Variants in RYR1 observed in about 807,000 individuals in gnomAD.
RYR1 encodes the protein central core disease of muscle.
Under a neutral mutation model 583.5 loss-of-function variants are expected in RYR1, and 342 were observed. The observed-to-expected ratio is 0.59, with a 90% confidence interval of 0.54 to 0.64. RYR1 has a LOEUF of 0.64. Among genes scored for constraint, RYR1 ranks in the 30% least tolerant of loss-of-function variants. RYR1 has a pLI of 0.00. For synonymous variants in RYR1, 2,791 were observed against 2,822.5 expected, an observed-to-expected ratio of 0.99 and a Z score of 0.35; for missense variants, 6,032 against 6,917.2, an observed-to-expected ratio of 0.87 and a Z score of 4.54.
At chr19:38,456,438 C>T (rs548758709) in intron 16 of RYR1, among the ~76,000 whole-genome samples, 4 of 151,410 alleles carry the variant, frequency 2.6e-5, no homozygotes, top group South Asian at 2.1e-4. Flanking sequence ...CCCGCCACCA[C>T]GCCCAGCTAA....
intron 20 of RYR1, among the ~76,000 whole-genome samples, chr19:38,461,751 G>A (rs1191485680): frequency 8.5e-4 from 121 of 141,938 alleles, no homozygotes; most frequent in African/African-American, 3.1e-3. Context: ...GAAAGGGAGA[G>A]AGAGAGAGAA....
rs148094797 is a variant in RYR1 at position 38,463,503 on chromosome 19, C to A, written c.2658C>A (p.Ile886=). The part of the protein sequence containing the change: ...NIHELWALTR[I]EQGWTYGPVR... ...ACGAGCTCTGGGCGCTAACCCGCATCGAGCAGGGCTGGACCTACGGCCCGG... is the reference window on the plus strand; with the variant it reads ...ACGAGCTCTGGGCGCTAACCCGCATAGAGCAGGGCTGGACCTACGGCCCGG... Residue 886 remains isoleucine, a synonymous_variant, in exon 21 of 106, where the codon ATC becomes ATA. Coordinates refer to ENST00000359596, the MANE Select transcript of RYR1 (RefSeq NM_000540.3). 9 of 1,613,044 alleles carry A rather than the reference C, an allele frequency of 5.6e-6. No individual in the cohort carries two copies. The African/African-American group carries it at 9.3e-5, about 17-fold the overall frequency.
intron 67 of RYR1, 127 bp downstream of exon 67, chr19:38,519,581 C>T: frequency 2.7e-6 from 3 of 1,092,148 alleles, no homozygotes; most frequent in Non-Finnish European, 4.0e-6. Context: ...AACCTTCTGA[C>T]TCTTCCTCCT....
intron 89 of RYR1, among the ~76,000 whole-genome samples, chr19:38,556,843 C>T (rs914577406): frequency 6.6e-6 from 1 of 152,080 alleles, no homozygotes; most frequent in Admixed American, 6.6e-5. Flanking sequence ...TCCTGTGTCC[C>T]CTGGGTTTCC....
intron 57 of RYR1, 98 bp downstream of exon 57, chr19:38,507,050 C>G: frequency 6.4e-7 from 1 of 1,570,864 alleles, no homozygotes; most frequent in Non-Finnish European, 8.6e-7. Flanking sequence ...CCGAGAGGAA[C>G]GGGGCCTGAG....
chr19:38,568,941 A>G (rs972754726), intron 93 of RYR1, among the ~76,000 whole-genome samples: 1 of 152,194 alleles, frequency 6.6e-6, no homozygotes, highest in Non-Finnish European at 1.5e-5. Context: ...AGTCCAAGGT[A>G]GGAGGATCAC....
In RYR1 at chr19:38,502,674, G is replaced by C. The variant is rs769096297; in HGVS notation, c.7782G>C (p.Ser2594=). 1.2e-6 allele frequency: 2 copies of C among 1,609,978 alleles called. No homozygotes were observed. Among genetic ancestry groups the C allele is most frequent in the African/African-American group, 2.7e-5 (2 of 74,640 alleles). The change falls in exon 48 of 106, where the codon TCG becomes TCC. Residue 2594 remains serine, a synonymous_variant. Coordinates refer to ENST00000359596, the MANE Select transcript of RYR1 (RefSeq NM_000540.3). ...HTVYRLSRGR[S]LTKAQRDVIE... ...TGTACCGCCTGTCTCGGGGTCGTTC[G>C]CTCACCAAGGCGCAGCGTGACGTCA...
At chr19:38,465,777 AAGAG>A (rs1968065520) in intron 23 of RYR1, among the ~76,000 whole-genome samples, 1 of 152,166 alleles carries the variant, frequency 6.6e-6, no homozygotes, top group South Asian at 2.1e-4. Context: ...AAAAAAAACA[AAGAG>A]AGAGAAAAAC....
intron 89 of RYR1, among the ~76,000 whole-genome samples, chr19:38,553,600 A>T (rs1972758826): frequency 6.6e-6 from 1 of 151,592 alleles, no homozygotes; most frequent in African/African-American, 2.4e-5. Flanking sequence ...GCTGCAGTGA[A>T]CCATGATTGT....
At chr19:38,505,178 C>T (rs1970385027) in intron 52 of RYR1, 97 bp downstream of exon 52, 1 of 1,242,494 alleles carries the variant, frequency 8.0e-7, no homozygotes, top group Non-Finnish European at 1.2e-6. Flanking sequence ...CCTGAGACCC[C>T]CCAGCCTTCC....
At position 38,548,122 on chromosome 19, in the gene RYR1, G is replaced by T. The variant is rs1177602021; in HGVS notation, c.12095-111G>T. 17 of 1,204,512 alleles carry T rather than the reference G, an allele frequency of 1.4e-5. No homozygotes were observed. In the Admixed American group the frequency reaches 2.9e-4, roughly 21 times the overall value. 74.6% of individuals were successfully genotyped at this position (1,204,512 alleles called of 1,614,324 possible). A position where few individuals can be genotyped will look rare whatever the true frequency, so the allele number is the denominator to read the frequency against. On this transcript the variant is annotated intron_variant, in intron 88 of 105. Coordinates refer to ENST00000359596, the MANE Select transcript of RYR1 (RefSeq NM_000540.3). ...ACCTGTGGAGGGGAGGCTGTGGCTGGCCAGGGACACTCCAGCAGCGTGGTG... is the reference window on the plus strand; with the variant it reads ...ACCTGTGGAGGGGAGGCTGTGGCTGTCCAGGGACACTCCAGCAGCGTGGTG...
At chr19:38,517,265 A>G (rs1214998759) in intron 65 of RYR1, 94 bp from the exon 66 acceptor site, 53 of 1,306,312 alleles carry the variant, frequency 4.1e-5, no homozygotes, top group Non-Finnish European at 5.0e-5. Context: ...GGGGGTGGCA[A>G]TTCAATGGTG....
chr19:38,570,518 T>C (rs1350777744), intron 93 of RYR1, 89 bp from the exon 94 acceptor site: 1 of 860,016 alleles, frequency 1.2e-6, no homozygotes, highest in South Asian at 1.3e-5. Context: ...AGAGCCCAGG[T>C]ACTTTGATTG....
Position 38,565,436 on chromosome 19 carries a change from G to T in RYR1, c.13102G>T (p.Val4368Leu), listed in dbSNP as rs1320250359. 1 of 1,494,084 alleles carries T rather than the reference G, an allele frequency of 6.7e-7. No homozygotes were observed. The allele number at this position is 1,494,084 out of a possible 1,614,324, so 92.6% of individuals were successfully genotyped here. ...GGGCTCGCTGTTCGGCGGCGGCCTGGTGGAGGGCGCCAAGAAGGTGACGGT... is the reference window on the plus strand; with the variant it reads ...GGGCTCGCTGTTCGGCGGCGGCCTGTTGGAGGGCGCCAAGAAGGTGACGGT... ...LWGSLFGGGL[V>L]EGAKKVTVTE... The change falls in exon 91 of 106, where the codon GTG becomes TTG. Residue 4368 changes from valine to leucine, a missense_variant. Physicochemically the swap from Val to Leu is conservative, Grantham distance 32. Around this residue, in one of 11 missense-constraint regions of RYR1, gnomAD observed 753 missense variants for 759.6 expected, o/e 0.99. Transcript: ENST00000359596. This position sits in a 1 kb window ranked among gnomAD's most constrained non-coding sequence, Gnocchi z 4.7.
rs62118989 is a variant in RYR1 at position 38,458,613 on chromosome 19, T to A, written c.2167+321T>A. Reference sequence around the variant, plus strand: ...GGAGAATTTATTTATTTATTTATTTTGTTTGTTTGTTTGTTTGTTTGTTTA... The same window carrying A: ...GGAGAATTTATTTATTTATTTATTTAGTTTGTTTGTTTGTTTGTTTGTTTA... On this transcript the variant is annotated intron_variant, in intron 18 of 105. Coordinates refer to ENST00000359596, the MANE Select transcript of RYR1 (RefSeq NM_000540.3). Among the ~76,000 whole-genome samples, 125,663 of 146,116 alleles carry A rather than the reference T, an allele frequency of 0.86. 54,236 individuals are homozygous for A. Among genetic ancestry groups the A allele is most frequent in the East Asian group, 0.98 (4,808 of 4,894 alleles).
At chr19:38,504,954 G>T in intron 51 of RYR1, 43 bp downstream of exon 51, 2 of 1,614,140 alleles carry the variant, frequency 1.2e-6, no homozygotes, top group South Asian at 1.1e-5. Context: ...GATTTCAGGG[G>T]TGGAGGGAAC....
chr19:38,448,555 TC>T, intron 10 of RYR1, 44 bp downstream of exon 10: 1 of 1,614,044 alleles, frequency 6.2e-7, no homozygotes, highest in African/African-American at 1.3e-5. Flanking sequence ...AAGCCCCCAG[TC>T]CCAGCCCAGC....
chr19:38,525,053 G>T (rs538052281), intron 70 of RYR1, among the ~76,000 whole-genome samples: 6 of 152,146 alleles, frequency 3.9e-5, no homozygotes. Context: ...GTCCAGCCTG[G>T]GCAACATGGC....
chr19:38,466,379 G>A lies in RYR1; in HGVS notation c.3159G>A (p.Glu1053=), dbSNP rs770393392. Reference sequence around the variant, plus strand: ...TCCTGGGCTACGGCTACAACATCGAGCCTCCTGACCAGGAGCCCAGTGAGT... The same window carrying A: ...TCCTGGGCTACGGCTACAACATCGAACCTCCTGACCAGGAGCCCAGTGAGT... The part of the protein sequence containing the change: ...RTLLGYGYNI[E]PPDQEPSQVE... The change falls in exon 24 of 106, where the codon GAG becomes GAA. Residue 1053 remains glutamate (E), a synonymous_variant. Transcript: ENST00000359596. 2 of 1,553,610 alleles carry A rather than the reference G, an allele frequency of 1.3e-6. No individual in the cohort carries two copies. Among genetic ancestry groups the A allele is most frequent in the Non-Finnish European group, 1.7e-6 (2 of 1,151,612 alleles).
Sources: gnomAD v4.1 joint callset for allele counts (sites outside exome capture counted in the v4.1 genomes callset) on GRCh38, gnomAD v4.1.1 for gene constraint, gnomAD v4.1.1 regional missense constraint, Gnocchi (gnomAD v3.1) non-coding constraint, MANE v1.5 for transcripts, NCBI Gene and HGNC (gene_info 2026-07-23, HGNC 2026-07-21) for gene names.